The following SMOC2 variants were observed in gnomAD, a reference collection of about 807,000 sequenced individuals.
The protein encoded by SMOC2 is SPARC related modular calcium binding 2.
Under a neutral mutation model 61.4 loss-of-function variants are expected in SMOC2, and 39 were observed. That is an observed-to-expected ratio of 0.64 (90% CI 0.49 to 0.83). SMOC2 has a LOEUF of 0.83. Among genes scored for constraint, SMOC2 ranks in the 40% least tolerant of loss-of-function variants. The pLI, the probability that SMOC2 is intolerant of heterozygous loss-of-function variation, is 0.00. For missense variants in SMOC2, 556 were observed against 592.9 expected (o/e 0.94, Z 0.65); for synonymous variants, 247 against 239.9 (o/e 1.03, Z -0.27).
At chr6:168,620,705 C>T (rs575108017) in intron 9 of SMOC2, among the ~76,000 whole-genome samples, 3 of 152,258 alleles carry the variant, frequency 2.0e-5, no homozygotes, top group South Asian at 2.1e-4. Flanking sequence ...GAGGAGTGAA[C>T]GTGAGAAATC....
chr6:168,552,794 C>T (rs1436977605), intron 7 of SMOC2, among the ~76,000 whole-genome samples: 1 of 151,878 alleles, frequency 6.6e-6, no homozygotes, highest in Non-Finnish European at 1.5e-5. Context: ...CATACCCAGG[C>T]CAGACTGGAT....
intron 7 of SMOC2, among the ~76,000 whole-genome samples, chr6:168,579,459 T>G (rs763441383): frequency 1.3e-5 from 2 of 152,256 alleles, no homozygotes; most frequent in Non-Finnish European, 2.9e-5. Flanking sequence ...CTATTCTGAT[T>G]GTTTTTGTAA....
intron 7 of SMOC2, among the ~76,000 whole-genome samples, chr6:168,567,009 G>T (rs1231620340): frequency 6.6e-6 from 1 of 152,022 alleles, no homozygotes; most frequent in Non-Finnish European, 1.5e-5. Flanking sequence ...CTCTAACCTC[G>T]CATTTTTATA....
At position 168,667,797 on chromosome 6, in the gene SMOC2, C is replaced by T. The variant is rs887391165; in HGVS notation, c.*1359C>T. 3 of 152,154 alleles carry T rather than the reference C, an allele frequency of 2.0e-5. No individual in the cohort carries two copies. The highest frequency in any genetic ancestry group is 7.2e-5 in the African/African-American group (3 of 41,422). The allele number at this position is 152,154 out of a possible 1,614,324, so 9.4% of individuals were successfully genotyped here. A position where few individuals can be genotyped will look rare whatever the true frequency, so the allele number is the denominator to read the frequency against. On this transcript the variant is annotated 3_prime_UTR_variant, in exon 13 of 13. Coordinates refer to ENST00000356284, the MANE Select transcript of SMOC2 (RefSeq NM_001166412.2). ...TGATGTTGTGATGCTTGTGGAGCATCGCGTAAGGCTTCTTGCTTATTTAAA... is the reference window on the plus strand; with the variant it reads ...TGATGTTGTGATGCTTGTGGAGCATTGCGTAAGGCTTCTTGCTTATTTAAA...
chr6:168,488,706 G>A (rs1782392147), intron 1 of SMOC2, among the ~76,000 whole-genome samples: 1 of 152,054 alleles, frequency 6.6e-6, no homozygotes, highest in Non-Finnish European at 1.5e-5. Context: ...GCATCACACA[G>A]TTTTAGAAGG....
In SMOC2 at chr6:168,549,979, C is replaced by A. The variant is rs1338195631; in HGVS notation, c.637+776C>A. ...ATAAAGCAGTGTTTGAGAGAACTTT[C>A]ACCTTTTAAAGCTGACTATTTTGAC... On this transcript the variant is annotated intron_variant, in intron 7 of 12. Coordinates refer to ENST00000356284, the MANE Select transcript of SMOC2 (RefSeq NM_001166412.2). 3.3e-5 allele frequency among the ~76,000 whole-genome samples: 5 copies of A among 152,284 alleles called. 1 individual carries two copies. The highest frequency in any genetic ancestry group is 1.2e-4 in the African/African-American group (5 of 41,562).
chr6:168,594,002 C>T (rs71573476), intron 7 of SMOC2, among the ~76,000 whole-genome samples: 1 of 21,834 alleles, frequency 4.6e-5, no homozygotes, highest in East Asian at 1.6e-3. Context: ...TTCCTGAGGC[C>T]TCACGGGCAT....
Position 168,497,534 on chromosome 6 carries a change from G to A in SMOC2, c.85-12381G>A, listed in dbSNP as rs563547559. Among the ~76,000 whole-genome samples, 7 of 152,284 alleles carry A rather than the reference G, an allele frequency of 4.6e-5. No homozygotes were observed. In the South Asian group the frequency reaches 8.3e-4, roughly 18 times the overall value. ...CCTCCAGGGACCCTCCTGCCTACCC[G>A]GGCAGTGGGCACGCAGATCCCTCAG... On this transcript the variant is annotated intron_variant, in intron 1 of 12. Transcript: ENST00000356284.
intron 7 of SMOC2, among the ~76,000 whole-genome samples, chr6:168,556,749 C>A (rs1244350201): frequency 7.8e-5 from 9 of 115,582 alleles, no homozygotes; most frequent in Admixed American, 9.7e-5. Context: ...CCCCTCCCCC[C>A]ACCCCACAAC....
rs549407657 is a variant in SMOC2 at position 168,441,848 on chromosome 6, T to C, written c.84+394T>C. ...CCGCACTCACTGCTGGGCCTGAGCC[T>C]GTGGGGAACCAGGTCTGGGAGCGCC... On this transcript the variant is annotated intron_variant, in intron 1 of 12. Coordinates refer to ENST00000356284, the MANE Select transcript of SMOC2 (RefSeq NM_001166412.2). Among the ~76,000 whole-genome samples, 4 of 152,180 alleles carry C rather than the reference T, an allele frequency of 2.6e-5. No individual in the cohort carries two copies. The South Asian group carries it at 8.3e-4, about 32-fold the overall frequency.
chr6:168,557,344 T>G (rs1008451695), intron 7 of SMOC2, among the ~76,000 whole-genome samples: 1 of 152,220 alleles, frequency 6.6e-6, no homozygotes. Context: ...ACCAAAAATA[T>G]GCATAACTAA....
chr6:168,616,963 C>T (rs61654423), intron 9 of SMOC2, among the ~76,000 whole-genome samples: 39,132 of 152,130 alleles, frequency 0.26, 5,159 homozygotes, highest in Non-Finnish European at 0.27. Flanking sequence ...GTGAAGTGAG[C>T]GTTTCACTCA....
At chr6:168,639,829 G>A (rs1213402624) in intron 9 of SMOC2, among the ~76,000 whole-genome samples, 6 of 152,168 alleles carry the variant, frequency 3.9e-5, no homozygotes, top group Admixed American at 1.3e-4. Context: ...TTACAGAGAC[G>A]GCAGAATGGC....
intron 7 of SMOC2, among the ~76,000 whole-genome samples, chr6:168,586,157 A>G (rs145747198): frequency 6.6e-6 from 1 of 152,010 alleles, no homozygotes; most frequent in South Asian, 2.1e-4. Context: ...TCTCAAATAA[A>G]TTTGTGTGTG....
At chr6:168,526,588 T>C in intron 3 of SMOC2, 136 bp downstream of exon 3, 1 of 666,572 alleles carries the variant, frequency 1.5e-6, no homozygotes. Context: ...ATCAGCCTTC[T>C]GCATTTTAGA....
chr6:168,539,815 C>T (rs2115094438), intron 4 of SMOC2, among the ~76,000 whole-genome samples: 1 of 152,328 alleles, frequency 6.6e-6, no homozygotes, highest in Non-Finnish European at 1.5e-5. Context: ...CACCCCTTTA[C>T]TCTTCCTCAG....
intron 2 of SMOC2, among the ~76,000 whole-genome samples, chr6:168,518,733 ATG>A (rs1243017377): frequency 1.1e-4 from 16 of 147,062 alleles, no homozygotes; most frequent in Middle Eastern, 3.8e-3. Flanking sequence ...GTGAGTGTGC[ATG>A]TGTGTGAATG....
At chr6:168,507,324 T>C (rs1451409862) in intron 1 of SMOC2, among the ~76,000 whole-genome samples, 1 of 152,214 alleles carries the variant, frequency 6.6e-6, no homozygotes, top group East Asian at 1.9e-4. Flanking sequence ...GGCCGGCCCC[T>C]GTTTGAAACG....
intron 9 of SMOC2, among the ~76,000 whole-genome samples, chr6:168,630,764 A>G (rs1240156383): frequency 6.6e-6 from 1 of 152,198 alleles, no homozygotes; most frequent in African/African-American, 2.4e-5. Context: ...GCTTGCGGGT[A>G]GGTCTCTGAA....
Sources: gnomAD v4.1 joint callset for allele counts (sites outside exome capture counted in the v4.1 genomes callset) on GRCh38, gnomAD v4.1.1 for gene constraint, MANE v1.5 for transcripts, NCBI Gene and HGNC (gene_info 2026-07-23, HGNC 2026-07-21) for gene names.